The following SPATA6L variants were observed in gnomAD, a reference collection of about 807,000 sequenced individuals.
SPATA6L encodes spermatogenesis associated 6 like.
In SPATA6L, 68 loss-of-function variants were observed where a neutral mutation model predicts 49.2. The observed-to-expected ratio is 1.38, with a 90% CI of 1.14 to 1.69. The LOEUF is 1.69. Ranked by LOEUF, SPATA6L falls within the 40% of genes most tolerant of loss-of-function variation. SPATA6L has a pLI of 0.00. For missense variants in SPATA6L, 668 were observed against 464.3 expected, an observed-to-expected ratio of 1.44 and a Z score of -4.03; for synonymous variants, 198 against 165.7, an observed-to-expected ratio of 1.19 and a Z score of -1.50.
Position 4,662,266 on chromosome 9 carries a change from G to T in SPATA6L, c.40-230C>A. 1 of 1,433,388 alleles carries T rather than the reference G, an allele frequency of 7.0e-7. No individual in the cohort carries two copies. The highest frequency in any genetic ancestry group is 9.1e-7 in the Non-Finnish European group (1 of 1,099,060). 88.8% of individuals were successfully genotyped at this position (1,433,388 alleles called of 1,614,324 possible). On this transcript the variant is annotated intron_variant, in intron 1 of 11. Coordinates refer to ENST00000682582, the MANE Select transcript of SPATA6L (RefSeq NM_001353486.2). The surrounding 1 kb of genome is among the most constrained non-coding windows in gnomAD (Gnocchi z 4.9). ...AGGTGTCACAATCGCGCTCTCGCCG[G>T]CTCCTCTCCCCGCCCCTCCGGGATG...
chr9:4,661,609 C>G (rs1198449311), intron 2 of SPATA6L, among the ~76,000 whole-genome samples: 1 of 151,986 alleles, frequency 6.6e-6, no homozygotes, highest in African/African-American at 2.4e-5. Flanking sequence ...CCTCTAACAC[C>G]TCCAAAAACA....
At chr9:4,658,554 T>G (rs1838837411) in intron 2 of SPATA6L, among the ~76,000 whole-genome samples, 1 of 152,218 alleles carries the variant, frequency 6.6e-6, no homozygotes, top group Non-Finnish European at 1.5e-5. Context: ...TAATCTCAAA[T>G]GTACAGCTTT....
chr9:4,623,223 T>C (rs1203391018), intron 6 of SPATA6L, among the ~76,000 whole-genome samples: 1 of 152,138 alleles, frequency 6.6e-6, no homozygotes, highest in Admixed American at 6.5e-5. Context: ...AAGATTGCGG[T>C]GAGCTGAGAT....
intron 9 of SPATA6L, among the ~76,000 whole-genome samples, chr9:4,616,106 T>C (rs1307129698): frequency 6.6e-6 from 1 of 151,992 alleles, no homozygotes. Flanking sequence ...ACCCCATCTT[T>C]ACAAAAATAA....
At chr9:4,644,699 A>T (rs1295334562) in intron 3 of SPATA6L, among the ~76,000 whole-genome samples, 2 of 144,220 alleles carry the variant, frequency 1.4e-5, no homozygotes, top group Non-Finnish European at 3.2e-5. Context: ...ACACACACAC[A>T]CACACACACA....
rs760841863 is a variant in SPATA6L at position 4,662,410 on chromosome 9, C to T, written c.40-374G>A. 5 of 1,536,208 alleles carry T rather than the reference C, an allele frequency of 3.3e-6. No individual in the cohort carries two copies. The highest frequency in any genetic ancestry group is 1.4e-5 in the African/African-American group (1 of 72,696). ...CCCCGGAGGAGCATGGAGGGACGGC[C>T]GCTGGGCGTCTCCGCTTCGAGCAGC... On this transcript the variant is annotated intron_variant, in intron 1 of 11. Coordinates refer to ENST00000682582, the MANE Select transcript of SPATA6L (RefSeq NM_001353486.2). The surrounding 1 kb of genome is among the most constrained non-coding windows in gnomAD (Gnocchi z 4.9).
intron 5 of SPATA6L, chr9:4,626,603 C>A (rs1417163682): frequency 4.8e-6 from 6 of 1,243,508 alleles, no homozygotes; most frequent in Non-Finnish European, 6.3e-6. Context: ...TTTCAGTGTT[C>A]CCCTTTTATC....
At chr9:4,648,535 C>A (rs1026689561) in intron 3 of SPATA6L, among the ~76,000 whole-genome samples, 2 of 151,626 alleles carry the variant, frequency 1.3e-5, no homozygotes, top group African/African-American at 4.9e-5. Context: ...CCCGTCTCTA[C>A]TAAAAATACA....
At chr9:4,665,023 A>C (rs759391916) in intron 1 of SPATA6L, 3 of 167,120 alleles carry the variant, frequency 1.8e-5, no homozygotes, top group Non-Finnish European at 4.4e-5. Flanking sequence ...AGTGTCCACA[A>C]ATCTGAATAT....
In SPATA6L at chr9:4,648,450, A is replaced by G. The variant is rs536326327; in HGVS notation, c.226+7591T>C. On this transcript the variant is annotated intron_variant, in intron 3 of 11. Coordinates refer to ENST00000682582, the MANE Select transcript of SPATA6L (RefSeq NM_001353486.2). Reference sequence around the variant, plus strand: ...CACCGTGGCTCACGCCTGTAATCCCAGCACTTTGGGAGGCCGAGGCGGGCG... The same window carrying G: ...CACCGTGGCTCACGCCTGTAATCCCGGCACTTTGGGAGGCCGAGGCGGGCG... Among the ~76,000 whole-genome samples, 29 of 152,274 alleles carry G rather than the reference A, an allele frequency of 1.9e-4. No homozygotes were observed. In the East Asian group the frequency reaches 5.0e-3, roughly 26 times the overall value.
chr9:4,618,518 C>T (rs1210717754), intron 8 of SPATA6L, among the ~76,000 whole-genome samples: 1 of 152,186 alleles, frequency 6.6e-6, no homozygotes, highest in Non-Finnish European at 1.5e-5. Flanking sequence ...TGAGCCTTCA[C>T]TTTGACAAAC....
intron 3 of SPATA6L, among the ~76,000 whole-genome samples, chr9:4,638,883 C>G (rs1290714408): frequency 6.6e-6 from 1 of 151,774 alleles, no homozygotes; most frequent in Non-Finnish European, 1.5e-5. Context: ...CTCCCGGGTT[C>G]AAGCGATTCT....
In SPATA6L at chr9:4,617,872, G is replaced by C. The variant is rs759707999; in HGVS notation, c.995+51C>G. On this transcript the variant is annotated intron_variant, in intron 9 of 11. Coordinates refer to ENST00000682582, the MANE Select transcript of SPATA6L (RefSeq NM_001353486.2). Reference sequence around the variant, plus strand: ...GGTGAAATGACCCAGCTTTACCCCTGCCAGGCCACAATGCACTCGTCAGGC... The same window carrying C: ...GGTGAAATGACCCAGCTTTACCCCTCCCAGGCCACAATGCACTCGTCAGGC... 3 of 1,477,884 alleles carry C rather than the reference G, an allele frequency of 2.0e-6. No individual in the cohort carries two copies. The South Asian group carries it at 4.4e-5, about 22-fold the overall frequency. The allele number at this position is 1,477,884 out of a possible 1,614,324, so 91.5% of individuals were successfully genotyped here.
chr9:4,654,641 G>C (rs957648983), intron 3 of SPATA6L, among the ~76,000 whole-genome samples: 1 of 152,232 alleles, frequency 6.6e-6, no homozygotes, highest in Non-Finnish European at 1.5e-5. Flanking sequence ...GCTTTCAGCA[G>C]ATGGGGGAGC....
intron 11 of SPATA6L, among the ~76,000 whole-genome samples, chr9:4,602,365 T>C (rs1360916564): frequency 1.3e-5 from 2 of 152,094 alleles, no homozygotes; most frequent in African/African-American, 4.8e-5. Flanking sequence ...CGTCCTTTAA[T>C]CTAGCAAGCA....
In SPATA6L at chr9:4,662,408, G is replaced by A. The variant is rs774159286; in HGVS notation, c.40-372C>T. ...GTCCCCGGAGGAGCATGGAGGGACG[G>A]CCGCTGGGCGTCTCCGCTTCGAGCA... On this transcript the variant is annotated intron_variant, in intron 1 of 11. Coordinates refer to ENST00000682582, the MANE Select transcript of SPATA6L (RefSeq NM_001353486.2). The surrounding 1 kb of genome is among the most constrained non-coding windows in gnomAD (Gnocchi z 4.9). The A allele has an allele frequency of 2.0e-6, 3 of 1,535,614 alleles. No individual in the cohort carries two copies. Among genetic ancestry groups the A allele is most frequent in the Admixed American group, 2.0e-5 (1 of 50,966 alleles).
intron 3 of SPATA6L, among the ~76,000 whole-genome samples, chr9:4,647,887 G>A (rs531422644): frequency 2.0e-5 from 3 of 151,476 alleles, no homozygotes; most frequent in East Asian, 3.9e-4. Flanking sequence ...CAGGGTGGAG[G>A]GCAGTGGTGC....
intron 2 of SPATA6L, among the ~76,000 whole-genome samples, chr9:4,656,731 T>C (rs574295897): frequency 6.6e-6 from 1 of 152,216 alleles, no homozygotes; most frequent in African/African-American, 2.4e-5. Context: ...GACCTAGCTC[T>C]ACTGTTTGTT....
At chr9:4,647,858 A>G (rs1835775093) in intron 3 of SPATA6L, among the ~76,000 whole-genome samples, 1 of 149,736 alleles carries the variant, frequency 6.7e-6, no homozygotes, top group Non-Finnish European at 1.5e-5. Flanking sequence ...TTTTTGAACC[A>G]GGGCCTCACT....
Sources: allele counts gnomAD v4.1 joint callset (sites outside exome capture counted in the v4.1 genomes callset), GRCh38; gene constraint gnomAD v4.1.1; non-coding constraint Gnocchi (gnomAD v3.1); transcripts MANE v1.5; gene names NCBI Gene and HGNC (gene_info 2026-07-23, HGNC 2026-07-21).